The following BAHCC1 variants were observed in gnomAD, a reference collection of about 807,000 sequenced individuals.
BAHCC1 encodes the protein BAH and coiled-coil domain-containing protein 1.
In BAHCC1, 43 loss-of-function variants were observed where a neutral mutation model predicts 88.2. That is an observed-to-expected ratio of 0.49 (90% CI 0.38 to 0.63). The LOEUF (loss-of-function observed/expected upper bound fraction) is 0.63, where lower values mean the gene tolerates loss of function less well. Ranked by LOEUF, BAHCC1 falls within the 20% of genes least tolerant of loss-of-function variation. The probability of loss-of-function intolerance (pLI) is 0.00; values close to 1 mark genes in which losing one functional copy is unlikely to be tolerated. For missense variants in BAHCC1, 3,023 were observed against 1,654.8 expected, an observed-to-expected ratio of 1.83 and a Z score of -14.34; for synonymous variants, 1,510 against 745.5, an observed-to-expected ratio of 2.03 and a Z score of -16.71.
At chr17:81,427,135 G>A (rs1207799593) in intron 3 of BAHCC1, among the ~76,000 whole-genome samples, 156 bp downstream of exon 3, 6 of 152,278 alleles carry the variant, frequency 3.9e-5, no homozygotes, top group East Asian at 1.9e-4. Flanking sequence ...CCTCCCTGCC[G>A]AGGAAGCCCC....
chr17:81,449,362 A>G (rs2064591880), intron 11 of BAHCC1, among the ~76,000 whole-genome samples: 1 of 151,844 alleles, frequency 6.6e-6, no homozygotes. Flanking sequence ...GCTGATCCCT[A>G]CAAGTGTAGC....
At chr17:81,458,115 C>T (rs78579961) in intron 17 of BAHCC1, 50 bp from the exon 18 acceptor site, 135,425 of 710,282 alleles carry the variant, frequency 0.19, 14,028 homozygotes, top group East Asian at 0.33. Flanking sequence ...CCCAACCAGC[C>T]GGGTCTCTAG....
rs869297780 is a variant in BAHCC1, at chr17:81,446,526, CTTTTTTTTTTTTTTTTTTTTTTTT to C, written c.3164-495_3164-472del. Among the ~76,000 whole-genome samples, 9 of 49,224 alleles carry C rather than the reference CTTTTTTTTTTTTTTTTTTTTTTTT, an allele frequency of 1.8e-4. No individual in the cohort carries two copies. The East Asian group carries it at 1.9e-3, about 10-fold the overall frequency. 32.3% of individuals were successfully genotyped at this position (49,224 alleles called of 152,430 possible). A position where few individuals can be genotyped will look rare whatever the true frequency, so the allele number is the denominator to read the frequency against. Reference sequence around the variant, plus strand: ...GGGCCTGGCCTCAGGCTGCTCACACCTTTTTTTTTTTTTTTTTTTTTTTTTTTTTTTTTTTTTTGAGACAGGGTA... The same window carrying C: ...GGGCCTGGCCTCAGGCTGCTCACACCTTTTTTTTTTTTTTGAGACAGGGTA... On this transcript the variant is annotated intron_variant, in intron 10 of 27. Coordinates refer to ENST00000675386, the MANE Select transcript of BAHCC1 (RefSeq NM_001377448.1).
At chr17:81,441,681 AAAAAAAAAAG>A (rs1269268942) in intron 4 of BAHCC1, 140 bp from the exon 5 acceptor site, 26 of 418,992 alleles carry the variant, frequency 6.2e-5, no homozygotes, top group African/African-American at 4.9e-4. Context: ...AAAAAAAAAA[AAAAAAAAAAG>A]AGCAAAAACC....
chr17:81,449,698 C>T (rs1451932536), intron 11 of BAHCC1, among the ~76,000 whole-genome samples: 5 of 151,918 alleles, frequency 3.3e-5, no homozygotes, highest in African/African-American at 1.2e-4. Flanking sequence ...CCCTCTCTCC[C>T]CCTCCCATTC....
At chr17:81,431,262 C>G (rs1388018043) in intron 3 of BAHCC1, among the ~76,000 whole-genome samples, 1 of 151,964 alleles carries the variant, frequency 6.6e-6, no homozygotes, top group Non-Finnish European at 1.5e-5. Context: ...TGGCCGGCCA[C>G]CCTGCCAGGG....
At chr17:81,416,006 G>A (rs1270029917) in intron 2 of BAHCC1, among the ~76,000 whole-genome samples, 4 of 151,844 alleles carry the variant, frequency 2.6e-5, no homozygotes, top group Non-Finnish European at 4.4e-5. Flanking sequence ...GGGTGTATGC[G>A]CGTGTGTGTG....
intron 26 of BAHCC1, among the ~76,000 whole-genome samples, 191 bp downstream of exon 26, chr17:81,462,237 C>T (rs1392109435): frequency 1.3e-5 from 2 of 152,382 alleles, no homozygotes; most frequent in South Asian, 2.1e-4. Flanking sequence ...GCTGGCCCCT[C>T]GCTGGAGCCC....
In BAHCC1 at chr17:81,442,458, A is replaced by T. The variant is rs782259114; in HGVS notation, c.1109A>T (p.His370Leu). 1.4e-6 allele frequency: 1 copy of T among 714,918 alleles called. No homozygotes were observed. Among genetic ancestry groups the T allele is most frequent in the Non-Finnish European group, 2.6e-6 (1 of 385,864 alleles). 44.3% of individuals were successfully genotyped at this position (714,918 alleles called of 1,614,324 possible). Residue 370 changes from histidine (H) to leucine (L), a missense_variant, in exon 5 of 28, where the codon CAC becomes CTC. Physicochemically the swap from His to Leu is moderately conservative, Grantham distance 99. Transcript: ENST00000675386. ...AAGSFPCLQL[H>L]GGPDGLCPLQ... ...GGCTCCTTCCCCTGCCTGCAGCTGC[A>T]CGGGGGCCCTGACGGGCTCTGCCCG...
rs781954367 is a variant in BAHCC1, at chr17:81,399,599, C to T, written c.-141C>T. 9.8e-6 allele frequency: 5 copies of T among 510,268 alleles called. No homozygotes were observed. The highest frequency in any genetic ancestry group is 4.2e-5 in the African/African-American group (2 of 47,528). 31.6% of individuals were successfully genotyped at this position (510,268 alleles called of 1,614,324 possible). A position where few individuals can be genotyped will look rare whatever the true frequency, so the allele number is the denominator to read the frequency against. On this transcript the variant is annotated 5_prime_UTR_variant, in exon 2 of 28. Transcript: ENST00000675386. This position sits in a 1 kb window ranked among gnomAD's most constrained non-coding sequence, Gnocchi z 4.5. ...CGCCCGCCGAGAAGCCCAGTCCTCC[C>T]GCGTGCTGACCGGCCCCGCCGCCAC...
At chr17:81,458,103 A>C (rs2029892720) in intron 17 of BAHCC1, 62 bp from the exon 18 acceptor site, 1 of 706,212 alleles carries the variant, frequency 1.4e-6, no homozygotes, top group African/African-American at 1.8e-5. Flanking sequence ...CGGCACAGTC[A>C]GCCCAACCAG....
At chr17:81,396,900 C>G (rs6565563) in intron 1 of BAHCC1, 147,535 of 152,968 alleles carry the variant, frequency 0.96, 71,204 homozygotes, top group East Asian at 1. Flanking sequence ...TCCTCCCTTA[C>G]CTCAGCCCGA....
intron 2 of BAHCC1, chr17:81,421,827 G>T (rs150935315): frequency 6.2e-5 from 13 of 208,370 alleles, no homozygotes; most frequent in African/African-American, 2.4e-4. Flanking sequence ...CAGTCCCTTG[G>T]GGGGGATGGT....
chr17:81,437,679 T>G (rs2064354873), intron 3 of BAHCC1, among the ~76,000 whole-genome samples: 1 of 152,124 alleles, frequency 6.6e-6, no homozygotes, highest in Non-Finnish European at 1.5e-5. Context: ...GTGGCTGCCT[T>G]GAGGGACAGA....
intron 26 of BAHCC1, chr17:81,462,442 T>C (rs1555659784): frequency 2.0e-6 from 1 of 502,554 alleles, no homozygotes; most frequent in Non-Finnish European, 3.5e-6. Context: ...TCGTGGGTCT[T>C]TTGCCTTCGT....
chr17:81,444,583 G>C lies in BAHCC1; in HGVS notation c.2512+15G>C. 1 of 735,926 alleles carries C rather than the reference G, an allele frequency of 1.4e-6. No individual in the cohort carries two copies. Among genetic ancestry groups the C allele is most frequent in the Non-Finnish European group, 2.5e-6 (1 of 401,592 alleles). The allele number at this position is 735,926 out of a possible 1,614,324, so 45.6% of individuals were successfully genotyped here. A position where few individuals can be genotyped will look rare whatever the true frequency, so the allele number is the denominator to read the frequency against. ...GCACTCCTACGGTCAGTGATCCAAG[G>C]GCGGGGGCTGGCCTGGGGCTGATGA... is the stretch of plus-strand genomic sequence containing the variant. On this transcript the variant is annotated intron_variant, in intron 7 of 27. Coordinates refer to ENST00000675386, the MANE Select transcript of BAHCC1 (RefSeq NM_001377448.1).
chr17:81,397,668 G>A (rs1340198662), intron 1 of BAHCC1, among the ~76,000 whole-genome samples: 1 of 152,050 alleles, frequency 6.6e-6, no homozygotes, highest in African/African-American at 2.4e-5. Flanking sequence ...CCCTGCGCTC[G>A]CAGCCCCCTC....
At chr17:81,396,861 C>G (rs1228018923) in intron 1 of BAHCC1, 1 of 152,680 alleles carries the variant, frequency 6.5e-6, no homozygotes, top group African/African-American at 2.4e-5. Flanking sequence ...GCCCGGGGCC[C>G]TCTGCCCGCC....
chr17:81,404,586 G>GT (rs1411659832), intron 2 of BAHCC1, among the ~76,000 whole-genome samples: 1 of 152,198 alleles, frequency 6.6e-6, no homozygotes, highest in Admixed American at 6.5e-5. Context: ...GTTCCATCCA[G>GT]GAAGGCAGAA....
Sources: gnomAD v4.1 joint callset for allele counts (sites outside exome capture counted in the v4.1 genomes callset) on GRCh38, gnomAD v4.1.1 for gene constraint, Gnocchi (gnomAD v3.1) non-coding constraint, MANE v1.5 for transcripts, NCBI Gene and HGNC (gene_info 2026-07-23, HGNC 2026-07-21) for gene names.